The following NCBP1 variants were observed in gnomAD, a reference collection of about 807,000 sequenced individuals.
NCBP1 encodes nuclear cap binding protein subunit 1, also known as nuclear cap-binding protein subunit 1.
Under a neutral mutation model 111.7 loss-of-function variants are expected in NCBP1, and 16 were observed. The ratio of observed to expected loss-of-function variants is 0.14; its 90% CI spans 0.10 to 0.22. NCBP1 has a LOEUF of 0.22. Among genes scored for constraint, NCBP1 ranks in the 10% least tolerant of loss-of-function variants. The probability of loss-of-function intolerance (pLI) is 1.00; values close to 1 mark genes in which losing one functional copy is unlikely to be tolerated. For synonymous variants in NCBP1, 304 were observed against 314.3 expected, an observed-to-expected ratio of 0.97 and a Z score of 0.35; for missense variants, 607 against 957.5, an observed-to-expected ratio of 0.63 and a Z score of 4.83.
In NCBP1 at chr9:97,660,949, C is replaced by A; in HGVS notation, c.1481C>A (p.Ser494Tyr). ...IYKYGDESSN[S>Y]LPGHSVALCL... ...TTACCCCCAATTCTGTGTTTAGATT[C>A]TCTTCCTGGACATTCTGTTGCCCTC... The change falls in exon 16 of 23, where the codon TCT becomes TAT. Residue 494 changes from serine (S) to tyrosine (Y), a missense_variant. By Grantham distance (144) the Ser-to-Tyr change is moderately radical (BLOSUM62 -2). Around this residue, in one of 9 missense-constraint regions of NCBP1, gnomAD observed 282 missense variants for 376.5 expected, o/e 0.75. Coordinates refer to ENST00000375147, the MANE Select transcript of NCBP1 (RefSeq NM_002486.5). The A allele has an allele frequency of 6.2e-7, 1 of 1,608,290 alleles. No homozygotes were observed. The highest frequency in any genetic ancestry group is 8.5e-7 in the Non-Finnish European group (1 of 1,177,620).
chr9:97,670,033 C>T (rs1007817234), intron 22 of NCBP1: 3 of 378,456 alleles, frequency 7.9e-6, no homozygotes, highest in African/African-American at 4.2e-5. Context: ...AGCAATTCTT[C>T]TGCCTCAGCC....
Position 97,647,987 on chromosome 9 carries a change from TA to T in NCBP1, c.682-16del. 1 of 1,549,306 alleles carries T rather than the reference TA, an allele frequency of 6.5e-7. No homozygotes were observed. The highest frequency in any genetic ancestry group is 8.8e-7 in the Non-Finnish European group (1 of 1,135,866). On this transcript the variant is annotated intron_variant, in intron 7 of 22. Coordinates refer to ENST00000375147, the MANE Select transcript of NCBP1 (RefSeq NM_002486.5). Reference sequence around the variant, plus strand: ...TCAAAATGTTAATTATATTAATGATTAAAAATTAATCTGTCTTTAGTATTTA... The same window carrying T: ...TCAAAATGTTAATTATATTAATGATTAAAATTAATCTGTCTTTAGTATTTA...
intron 1 of NCBP1, among the ~76,000 whole-genome samples, chr9:97,636,976 A>G (rs1286550778): frequency 6.6e-6 from 1 of 152,110 alleles, no homozygotes; most frequent in African/African-American, 2.4e-5. Context: ...GTATGGGGAA[A>G]AGCTGTGATC....
chr9:97,660,245 C>T (rs1827793033), intron 15 of NCBP1, among the ~76,000 whole-genome samples: 2 of 152,148 alleles, frequency 1.3e-5, no homozygotes, highest in Non-Finnish European at 2.9e-5. Flanking sequence ...AACTCATACT[C>T]TATAACAGGA....
At chr9:97,640,773 T>C in intron 1 of NCBP1, 21 bp from the exon 2 acceptor site, 2 of 1,576,706 alleles carry the variant, frequency 1.3e-6, no homozygotes, top group African/African-American at 1.4e-5. Flanking sequence ...GTAATGTTAA[T>C]TTTTTATGTT....
chr9:97,671,282 T>C lies in NCBP1; in HGVS notation c.*83T>C. On this transcript the variant is annotated 3_prime_UTR_variant, in exon 23 of 23. Coordinates refer to ENST00000375147, the MANE Select transcript of NCBP1 (RefSeq NM_002486.5). The stretch of plus-strand genomic sequence containing the variant: ...TTTTTTGATGGTTTGAATGCTTGCT[T>C]TCTTGTAGTATCCTTTCACTTCTTA... 2.0e-6 allele frequency: 2 copies of C among 976,434 alleles called. No homozygotes were observed. Among genetic ancestry groups the C allele is most frequent in the South Asian group, 1.5e-5 (1 of 65,052 alleles). The allele number at this position is 976,434 out of a possible 1,614,324, so 60.5% of individuals were successfully genotyped here. A position where few individuals can be genotyped will look rare whatever the true frequency, so the allele number is the denominator to read the frequency against.
rs1408073204 is a variant in NCBP1, at chr9:97,655,688, C to G, written c.1236-14C>G. ...CTTCCTTTTTCTCTGCCTACCTCCC[C>G]CTTCTCTACGTAGGTTTATTAATTG... On this transcript the variant is annotated splice_polypyrimidine_tract_variant and intron_variant, in intron 12 of 22. Transcript: ENST00000375147. 2 of 1,601,046 alleles carry G rather than the reference C, an allele frequency of 1.2e-6. No homozygotes were observed. Among genetic ancestry groups the G allele is most frequent in the Non-Finnish European group, 1.7e-6 (2 of 1,173,462 alleles).
chr9:97,654,997 C>A, intron 12 of NCBP1, 53 bp downstream of exon 12: 1 of 1,345,624 alleles, frequency 7.4e-7, no homozygotes, highest in Non-Finnish European at 1.0e-6. Flanking sequence ...ACTTCCTGTA[C>A]TTCATAAAGG....
chr9:97,642,319 G>T (rs1440381036), intron 3 of NCBP1, among the ~76,000 whole-genome samples: 8 of 152,000 alleles, frequency 5.3e-5, no homozygotes, highest in Admixed American at 2.6e-4. Flanking sequence ...GCTTCGCAGT[G>T]TTCTTTTTTA....
rs1459058704 is a variant in NCBP1 at position 97,671,159 on chromosome 9, T to C, written c.2333T>C (p.Ile778Thr). The change falls in exon 23 of 23, where the codon ATC becomes ACC. Residue 778 changes from isoleucine to threonine, a missense_variant. Around this residue, in one of 9 missense-constraint regions of NCBP1, gnomAD observed 18 missense variants for 18.7 expected, o/e 0.96. Transcript: ENST00000375147. ...TTCACTGCTGAATTAGACCCTCATA[T>C]CTTGGCCGTGTTCCAGCAGTTCTGT... ...LLFTAELDPH[I>T]LAVFQQFCAL... is the part of the protein sequence containing the mutation. The C allele has an allele frequency of 1.2e-6, 2 of 1,613,658 alleles. No homozygotes were observed. The highest frequency in any genetic ancestry group is 3.3e-5 in the Admixed American group (2 of 60,000).
chr9:97,651,355 G>C lies in NCBP1; in HGVS notation c.1041G>C (p.Leu347Phe). ...ATCCAGGGAAGAACAAGATCCCCTTGAACTACCACATAGTTGAGGTATGAA... is the reference window on the plus strand; with the variant it reads ...ATCCAGGGAAGAACAAGATCCCCTTCAACTACCACATAGTTGAGGTATGAA... ...VSYPGKNKIP[L>F]NYHIVEVIFA... Residue 347 changes from leucine (L) to phenylalanine (F), a missense_variant, in exon 10 of 23, where the codon TTG (leucine) becomes TTC (phenylalanine). Physicochemically the swap from Leu to Phe is conservative, Grantham distance 22. This residue lies in a region of NCBP1 where 33 missense variants were observed against 46.5 expected (regional missense o/e 0.71). Coordinates refer to ENST00000375147, the MANE Select transcript of NCBP1 (RefSeq NM_002486.5). The C allele has an allele frequency of 6.2e-7, 1 of 1,613,310 alleles. No homozygotes were observed. The highest frequency in any genetic ancestry group is 8.5e-7 in the Non-Finnish European group (1 of 1,179,604).
intron 18 of NCBP1, among the ~76,000 whole-genome samples, chr9:97,663,267 A>G (rs776329196): frequency 4.6e-5 from 7 of 152,172 alleles, no homozygotes; most frequent in African/African-American, 1.2e-4. Flanking sequence ...TAATATCTCA[A>G]TATGTTTTAA....
intron 7 of NCBP1, 62 bp downstream of exon 7, chr9:97,647,623 C>G: frequency 1.5e-6 from 2 of 1,330,282 alleles, no homozygotes; most frequent in Non-Finnish European, 1.1e-6. Context: ...ATTCTTATCT[C>G]TGTAAGATAC....
At chr9:97,646,786 G>A (rs6478325) in intron 6 of NCBP1, among the ~76,000 whole-genome samples, 82,363 of 145,890 alleles carry the variant, frequency 0.56, 24,269 homozygotes, top group Middle Eastern at 0.72. Context: ...GCAGTGAGCC[G>A]ACATGGTGCC....
rs375702222 is a variant in NCBP1 at position 97,643,275 on chromosome 9, A to G, written c.296A>G (p.Asn99Ser). Reference protein sequence around the residue: ...LVGLLNARNYNFGGEFVEAMI... With the variant: ...LVGLLNARNYSFGGEFVEAMI... ...GGACTACTGAATGCCAGGAATTACAATTTTGGTGGAGAATTTGTAGAAGCC... is the reference window on the plus strand; with the variant it reads ...GGACTACTGAATGCCAGGAATTACAGTTTTGGTGGAGAATTTGTAGAAGCC... Residue 99 changes from asparagine to serine, a missense_variant, in exon 4 of 23, where the codon AAT becomes AGT. Around this residue, in one of 9 missense-constraint regions of NCBP1, gnomAD observed 185 missense variants for 272.0 expected, o/e 0.68. Transcript: ENST00000375147. 1 of 1,610,742 alleles carries G rather than the reference A, an allele frequency of 6.2e-7. No individual in the cohort carries two copies. The highest frequency in any genetic ancestry group is 8.5e-7 in the Non-Finnish European group (1 of 1,178,956).
At chr9:97,647,170 G>C (rs1827366250) in intron 6 of NCBP1, among the ~76,000 whole-genome samples, 1 of 152,004 alleles carries the variant, frequency 6.6e-6, no homozygotes, top group Non-Finnish European at 1.5e-5. Context: ...ATATATTTAT[G>C]GGGGATATAA....
intron 20 of NCBP1, 99 bp from the exon 21 acceptor site, chr9:97,668,747 T>A (rs1587729102): frequency 7.4e-7 from 1 of 1,354,992 alleles, no homozygotes; most frequent in East Asian, 2.6e-5. Context: ...AATATAAGTC[T>A]TAACATTTGG....
At chr9:97,657,177 G>A (rs1186444223) in intron 14 of NCBP1, among the ~76,000 whole-genome samples, 1 of 151,958 alleles carries the variant, frequency 6.6e-6, no homozygotes, top group Non-Finnish European at 1.5e-5. Flanking sequence ...TGTGTTAGCT[G>A]GGATGATCTC....
At chr9:97,667,919 G>A (rs1828057067) in intron 20 of NCBP1, among the ~76,000 whole-genome samples, 1 of 152,208 alleles carries the variant, frequency 6.6e-6, no homozygotes, top group South Asian at 2.1e-4. Context: ...TTTGAGTGGT[G>A]TTAGGAAAGG....
Sources: gnomAD v4.1 joint callset for allele counts (sites outside exome capture counted in the v4.1 genomes callset) on GRCh38, gnomAD v4.1.1 for gene constraint, gnomAD v4.1.1 regional missense constraint, MANE v1.5 for transcripts, NCBI Gene and HGNC (gene_info 2026-07-23, HGNC 2026-07-21) for gene names.